FBXW11: variants seen among roughly 807,000 people sequenced by gnomAD.
FBXW11 encodes F-box/WD repeat-containing protein 11.
FBXW11 carries 19 observed loss-of-function variants against 77.6 expected under a neutral mutation model. The ratio of observed to expected loss-of-function variants is 0.24; its 90% CI spans 0.17 to 0.36. The LOEUF (loss-of-function observed/expected upper bound fraction) is 0.36, where lower values mean the gene tolerates loss of function less well. FBXW11 is among the 10% of genes least tolerant of loss of function. The pLI, the probability that FBXW11 is intolerant of heterozygous loss-of-function variation, is 1.00. For synonymous variants in FBXW11, 235 were observed against 249.4 expected, an observed-to-expected ratio of 0.94 and a Z score of 0.54; for missense variants, 334 against 704.2, an observed-to-expected ratio of 0.47 and a Z score of 5.95.
At chr5:171,975,962 G>A (rs142947745) in intron 1 of FBXW11, among the ~76,000 whole-genome samples, 7 of 152,154 alleles carry the variant, frequency 4.6e-5, no homozygotes, top group African/African-American at 1.7e-4. Context: ...TGATTATCAG[G>A]TGAGTTTCCA....
chr5:171,962,552 A>G (rs916386986), intron 1 of FBXW11, among the ~76,000 whole-genome samples: 3 of 152,222 alleles, frequency 2.0e-5, no homozygotes, highest in African/African-American at 7.2e-5. Flanking sequence ...TGCCATATCC[A>G]CCGTATAATC....
chr5:171,997,123 G>T (rs1766098706), intron 1 of FBXW11: 1 of 1,223,852 alleles, frequency 8.2e-7, no homozygotes, highest in African/African-American at 1.5e-5. Context: ...CCAAGAAATG[G>T]AAGGAAGGGT....
intron 1 of FBXW11, among the ~76,000 whole-genome samples, chr5:172,000,620 G>A (rs1407701591): frequency 2.0e-5 from 3 of 152,128 alleles, no homozygotes; most frequent in Non-Finnish European, 2.9e-5. Context: ...TCTTGACTTC[G>A]CTTTAGGGTC....
At chr5:171,898,975 C>A (rs1223946041) in intron 6 of FBXW11, 29 bp downstream of exon 6, 7 of 1,373,676 alleles carry the variant, frequency 5.1e-6, no homozygotes, top group African/African-American at 1.5e-5. Flanking sequence ...AAACAAAGAG[C>A]CCATAAAACA....
chr5:171,928,764 T>C (rs839267), intron 2 of FBXW11, among the ~76,000 whole-genome samples: 6,400 of 152,278 alleles, frequency 0.042, 329 homozygotes, highest in African/African-American at 0.12. Flanking sequence ...TTCACACTTC[T>C]AGTGTGAATT....
chr5:171,996,942 T>A, intron 1 of FBXW11: 1 of 1,289,644 alleles, frequency 7.8e-7, no homozygotes, highest in Non-Finnish European at 1.0e-6. Flanking sequence ...ATGGGGGTTT[T>A]CCCTTTCAGA....
chr5:171,967,873 TATATATATATACACACACACAC>T (rs1205117663), intron 1 of FBXW11, among the ~76,000 whole-genome samples: 4 of 50,470 alleles, frequency 7.9e-5, no homozygotes, highest in African/African-American at 2.2e-4. Context: ...TATATATATA[TATATATATATACACACACACAC>T]ACACACACAC....
chr5:171,999,402 T>A (rs544422529), intron 1 of FBXW11, among the ~76,000 whole-genome samples: 1,382 of 103,162 alleles, frequency 0.013, 10 homozygotes, highest in African/African-American at 0.061. Context: ...AAAAAAAAAA[T>A]ATATATATAT....
At position 171,957,744 on chromosome 5, in the gene FBXW11, C is replaced by T. The variant is rs915017544; in HGVS notation, c.46-46G>A. 4 of 1,510,504 alleles carry T rather than the reference C, an allele frequency of 2.6e-6. No homozygotes were observed. In the African/African-American group the frequency reaches 4.1e-5, roughly 16 times the overall value. 93.6% of individuals were successfully genotyped at this position (1,510,504 alleles called of 1,614,324 possible). On this transcript the variant is annotated intron_variant, in intron 1 of 13. Transcript: ENST00000517395. ...AGGAAGAGAAGAAGCAGTTAGAGGCCGCAACAAATCACTCCTTCACACAGG... is the reference window on the plus strand; with the variant it reads ...AGGAAGAGAAGAAGCAGTTAGAGGCTGCAACAAATCACTCCTTCACACAGG...
At chr5:171,983,489 T>C (rs757985860) in intron 1 of FBXW11, among the ~76,000 whole-genome samples, 16 of 152,028 alleles carry the variant, frequency 1.1e-4, no homozygotes, top group Non-Finnish European at 1.9e-4. Context: ...GCCACTGGTA[T>C]GTGGGGTAGG....
intron 1 of FBXW11, among the ~76,000 whole-genome samples, chr5:171,957,924 G>A (rs1301584549): frequency 6.6e-6 from 1 of 152,190 alleles, no homozygotes; most frequent in East Asian, 1.9e-4. Flanking sequence ...TCAGGGTACA[G>A]TGAATAGAAT....
chr5:171,892,807 C>T (rs1036962296), intron 6 of FBXW11, among the ~76,000 whole-genome samples: 6 of 152,210 alleles, frequency 3.9e-5, no homozygotes, highest in African/African-American at 1.4e-4. Flanking sequence ...ATTTCTATAA[C>T]CTGTTACACT....
At chr5:171,952,765 T>G (rs1265728038) in intron 2 of FBXW11, among the ~76,000 whole-genome samples, 3 of 151,808 alleles carry the variant, frequency 2.0e-5, no homozygotes, top group African/African-American at 4.8e-5. Flanking sequence ...ATATATTTTT[T>G]AGAGCAAACC....
In FBXW11 at chr5:171,910,750, T is replaced by C; in HGVS notation, c.258A>G (p.Ser86=). The change falls in exon 4 of 14, where the codon TCA becomes TCG. Residue 86 remains serine (S), a synonymous_variant. Coordinates refer to ENST00000517395, the MANE Select transcript of FBXW11 (RefSeq NM_001378974.1). ...CTTTTTCTTTTTGATAGTTTCCTTC[T>C]GATGGCCTCTTTCTGGAGACGATCA... ...SSVIVSRKRP[S]EGNYQKEKDL... is the part of the protein sequence containing the mutation. 6.2e-7 allele frequency: 1 copy of C among 1,613,394 alleles called. No individual in the cohort carries two copies.
At chr5:171,980,388 A>G (rs1315484253) in intron 1 of FBXW11, among the ~76,000 whole-genome samples, 5 of 152,220 alleles carry the variant, frequency 3.3e-5, no homozygotes, top group Admixed American at 3.3e-4. Context: ...CTTCATTAGT[A>G]TTAAGACCTG....
At chr5:171,983,532 T>C (rs548623985) in intron 1 of FBXW11, among the ~76,000 whole-genome samples, 1 of 151,960 alleles carries the variant, frequency 6.6e-6, no homozygotes, top group South Asian at 2.1e-4. Flanking sequence ...CCTCAATCTG[T>C]GGGATCGGAC....
intron 3 of FBXW11, 69 bp from the exon 4 acceptor site, chr5:171,910,866 A>G (rs1760841289): frequency 1.8e-5 from 20 of 1,130,148 alleles, no homozygotes; most frequent in Non-Finnish European, 2.3e-5. Flanking sequence ...TTCATTAGAA[A>G]TATTTTTCAC....
At chr5:171,912,992 T>G (rs1332146160) in intron 3 of FBXW11, among the ~76,000 whole-genome samples, 1 of 152,040 alleles carries the variant, frequency 6.6e-6, no homozygotes, top group African/African-American at 2.4e-5. Flanking sequence ...ATCCAGGATT[T>G]TATAAAACAT....
At chr5:171,917,826 T>C (rs1466490393) in intron 2 of FBXW11, among the ~76,000 whole-genome samples, 1 of 151,702 alleles carries the variant, frequency 6.6e-6, no homozygotes, top group Non-Finnish European at 1.5e-5. Flanking sequence ...TTCAGAGATA[T>C]ATTTTATATA....
Sources: allele counts gnomAD v4.1 joint callset (sites outside exome capture counted in the v4.1 genomes callset), GRCh38; gene constraint gnomAD v4.1.1; transcripts MANE v1.5; gene names NCBI Gene and HGNC (gene_info 2026-07-23, HGNC 2026-07-21).